The following SDK1 variants were observed in gnomAD, a reference collection of about 807,000 sequenced individuals.
SDK1 encodes the protein sidekick cell adhesion molecule 1.
Under a neutral mutation model 245.5 loss-of-function variants are expected in SDK1, and 157 were observed. The observed-to-expected ratio is 0.64, with a 90% CI of 0.56 to 0.73. The LOEUF (loss-of-function observed/expected upper bound fraction) is 0.73, where lower values mean the gene tolerates loss of function less well. SDK1 is among the 30% of genes least tolerant of loss of function. The pLI is 0.00. For synonymous variants in SDK1, 1,647 were observed against 1,278.5 expected (o/e 1.29, Z -6.15); for missense variants, 3,583 against 3,002.3 (o/e 1.19, Z -4.52).
At chr7:3,532,336 G>A (rs1783376054) in intron 1 of SDK1, among the ~76,000 whole-genome samples, 2 of 152,014 alleles carry the variant, frequency 1.3e-5, no homozygotes, top group Non-Finnish European at 2.9e-5. Context: ...CTTTAATGTT[G>A]GTCTTTTTTA....
At chr7:3,364,529 A>G (rs1024063278) in intron 1 of SDK1, among the ~76,000 whole-genome samples, 1 of 152,128 alleles carries the variant, frequency 6.6e-6, no homozygotes, top group Non-Finnish European at 1.5e-5. Context: ...CCATTTGTTG[A>G]AAAGCCTATT....
chr7:3,524,792 CT>C (rs2128615882), intron 1 of SDK1, among the ~76,000 whole-genome samples: 1 of 152,220 alleles, frequency 6.6e-6, no homozygotes, highest in South Asian at 2.1e-4. Flanking sequence ...GAGTTATACT[CT>C]GTAGAGGTCC....
chr7:3,781,301 C>T (rs1780727950), intron 4 of SDK1, among the ~76,000 whole-genome samples: 1 of 152,126 alleles, frequency 6.6e-6, no homozygotes, highest in East Asian at 1.9e-4. Flanking sequence ...GAAGCCAGGC[C>T]CACAACCCCA....
chr7:4,226,321 T>C (rs1201130037), intron 40 of SDK1, among the ~76,000 whole-genome samples: 2 of 152,206 alleles, frequency 1.3e-5, no homozygotes, highest in Non-Finnish European at 2.9e-5. Flanking sequence ...CGGCTCGGCC[T>C]GATGTCTCTC....
chr7:4,178,721 G>A (rs1375292259), intron 35 of SDK1, 135 bp downstream of exon 35: 4 of 640,038 alleles, frequency 6.2e-6, no homozygotes, highest in African/African-American at 1.8e-5. Flanking sequence ...CGGGGCTGAG[G>A]TCTCCACGCC....
At chr7:3,867,207 CT>C (rs1323666509) in intron 5 of SDK1, among the ~76,000 whole-genome samples, 1 of 152,092 alleles carries the variant, frequency 6.6e-6, no homozygotes, top group Non-Finnish European at 1.5e-5. Context: ...CAGTTTTGTT[CT>C]GAAGAGATGA....
At chr7:3,871,640 C>G (rs1369219159) in intron 5 of SDK1, among the ~76,000 whole-genome samples, 1 of 152,164 alleles carries the variant, frequency 6.6e-6, no homozygotes, top group Non-Finnish European at 1.5e-5. Context: ...GTGCAGAGAT[C>G]CCAGGGCAAG....
chr7:3,785,641 A>C (rs777080157), intron 4 of SDK1, among the ~76,000 whole-genome samples: 39 of 152,228 alleles, frequency 2.6e-4, no homozygotes, highest in Non-Finnish European at 5.1e-4. Context: ...TGTCTACTGG[A>C]TGGAAAGGGG....
At chr7:3,414,887 T>C (rs1779318588) in intron 1 of SDK1, among the ~76,000 whole-genome samples, 1 of 152,196 alleles carries the variant, frequency 6.6e-6, no homozygotes, top group South Asian at 2.1e-4. Flanking sequence ...GATGCATCCA[T>C]GTTGTAGCAT....
chr7:4,111,817 A>T (rs4723396), intron 23 of SDK1, among the ~76,000 whole-genome samples: 102,024 of 152,108 alleles, frequency 0.67, 35,380 homozygotes, highest in East Asian at 0.89. Context: ...ATATTTTTCT[A>T]GTATGTAAAT....
intron 8 of SDK1, among the ~76,000 whole-genome samples, chr7:3,959,793 C>CTT (rs796300551): frequency 6.9e-6 from 1 of 145,662 alleles, no homozygotes; most frequent in Admixed American, 6.9e-5. Context: ...GAAATGTTAC[C>CTT]TTTTTTTTTT....
intron 1 of SDK1, among the ~76,000 whole-genome samples, chr7:3,442,781 T>C (rs1780232046): frequency 6.6e-6 from 1 of 152,212 alleles, no homozygotes; most frequent in African/African-American, 2.4e-5. Flanking sequence ...GTGTTCTTGT[T>C]GCCAGTGACT....
chr7:4,225,072 T>G (rs917741413), intron 40 of SDK1, among the ~76,000 whole-genome samples: 5 of 139,708 alleles, frequency 3.6e-5, no homozygotes, highest in Non-Finnish European at 7.7e-5. Context: ...TCCTCCTCCC[T>G]GAACGCCTGC....
At chr7:4,195,543 A>C (rs923807165) in intron 35 of SDK1, among the ~76,000 whole-genome samples, 1 of 151,772 alleles carries the variant, frequency 6.6e-6, no homozygotes, top group Non-Finnish European at 1.5e-5. Context: ...TGCAATTCCC[A>C]CTGTCTGCCT....
chr7:4,168,113 AC>A (rs898252720), intron 32 of SDK1, among the ~76,000 whole-genome samples: 1 of 152,058 alleles, frequency 6.6e-6, no homozygotes, highest in African/African-American at 2.4e-5. Flanking sequence ...AAGCCACCGG[AC>A]CCTTTGTAAG....
chr7:3,885,582 C>T (rs899104857), intron 5 of SDK1, among the ~76,000 whole-genome samples: 3 of 152,196 alleles, frequency 2.0e-5, no homozygotes, highest in African/African-American at 7.2e-5. Context: ...CCAGCCCTGC[C>T]TTCCTCCCTC....
chr7:4,161,719 G>A, intron 31 of SDK1, 67 bp from the exon 32 acceptor site: 2 of 1,324,194 alleles, frequency 1.5e-6, no homozygotes, highest in South Asian at 2.4e-5. Context: ...ACTGAGGGTG[G>A]CCCTGGGAAG....
chr7:3,442,336 C>G (rs1214147383), intron 1 of SDK1, among the ~76,000 whole-genome samples: 3 of 152,174 alleles, frequency 2.0e-5, no homozygotes, highest in Non-Finnish European at 4.4e-5. Flanking sequence ...TGTCAGGTAG[C>G]TGGATCATTC....
At position 3,302,032 on chromosome 7, in the gene SDK1, C is replaced by T. The variant is rs547962604; in HGVS notation, c.298+148C>T. 212 of 482,076 alleles carry T rather than the reference C, an allele frequency of 4.4e-4. 1 individual carries two copies. Among genetic ancestry groups the T allele is most frequent in the Middle Eastern group, 2.8e-3 (3 of 1,078 alleles). 29.9% of individuals were successfully genotyped at this position (482,076 alleles called of 1,614,324 possible). A position where few individuals can be genotyped will look rare whatever the true frequency, so the allele number is the denominator to read the frequency against. ...GGGGGCTCTAGGGAGCCCAGGGGCT[C>T]CTCCACGCCAGACTCGGAGGAGAGG... On this transcript the variant is annotated intron_variant, in intron 1 of 44. Transcript: ENST00000404826.
Sources: allele counts gnomAD v4.1 joint callset (sites outside exome capture counted in the v4.1 genomes callset), GRCh38; gene constraint gnomAD v4.1.1; transcripts MANE v1.5; gene names NCBI Gene and HGNC (gene_info 2026-07-23, HGNC 2026-07-21).